The following FRMPD1 variants were observed in gnomAD, a reference collection of about 807,000 sequenced individuals.
FRMPD1 encodes FERM and PDZ domain-containing protein 1.
FRMPD1 carries 76 observed loss-of-function variants against 117.8 expected under a neutral mutation model. The observed-to-expected ratio is 0.65, with a 90% CI of 0.54 to 0.78. FRMPD1 has a LOEUF of 0.78. Among genes scored for constraint, FRMPD1 ranks in the 30% least tolerant of loss-of-function variants. FRMPD1 has a pLI of 0.00. For synonymous variants in FRMPD1, 783 were observed against 770.4 expected, an observed-to-expected ratio of 1.02 and a Z score of -0.27; for missense variants, 1,786 against 1,964.5, an observed-to-expected ratio of 0.91 and a Z score of 1.72.
At chr9:37,695,006 A>AATAGATAGATAGATAG (rs74171518) in intron 2 of FRMPD1, among the ~76,000 whole-genome samples, 16 of 150,812 alleles carry the variant, frequency 1.1e-4, no homozygotes, top group African/African-American at 2.4e-4. Context: ...GCCAAATAAG[A>AATAGATAGATAGATAG]ATAGATAGAT....
chr9:37,637,147 G>A, the FRMPD1 span: 12 of 1,609,374 alleles, frequency 7.5e-6, no homozygotes, highest in South Asian at 1.1e-4. Context: ...CCAGCTCGAT[G>A]GTTTGGATCT....
the FRMPD1 span, among the ~76,000 whole-genome samples, chr9:37,634,759 T>A: frequency 6.7e-6 from 1 of 148,684 alleles, no homozygotes; most frequent in South Asian, 2.1e-4. Context: ...ATTTTTTTTC[T>A]TCTTCTTTTT....
the FRMPD1 span, among the ~76,000 whole-genome samples, chr9:37,643,968 G>A: frequency 6.6e-6 from 1 of 152,218 alleles, no homozygotes; most frequent in Non-Finnish European, 1.5e-5. Flanking sequence ...ATCTGGTGGA[G>A]AGGATTAATA....
intron 1 of FRMPD1, among the ~76,000 whole-genome samples, chr9:37,669,432 A>G (rs1431840911): frequency 6.6e-6 from 1 of 152,202 alleles, no homozygotes; most frequent in Non-Finnish European, 1.5e-5. Context: ...CCTGTGTTTT[A>G]ACAAGTCCTC....
intron 1 of FRMPD1, among the ~76,000 whole-genome samples, chr9:37,659,547 A>C (rs1281678357): frequency 1.3e-5 from 2 of 152,200 alleles, no homozygotes; most frequent in African/African-American, 4.8e-5. Flanking sequence ...GCCGGTTCTC[A>C]GACGTAGGGA....
the FRMPD1 span, among the ~76,000 whole-genome samples, chr9:37,630,961 A>G: frequency 2.0e-5 from 3 of 152,360 alleles, no homozygotes; most frequent in South Asian, 4.1e-4. Context: ...CGTGACCTCA[A>G]GGAGCACACA....
chr9:37,718,632 G>GGAAGACTCT (rs1305732999), intron 5 of FRMPD1, among the ~76,000 whole-genome samples: 2 of 151,308 alleles, frequency 1.3e-5, no homozygotes, highest in African/African-American at 4.9e-5. Flanking sequence ...TGTGTAGATG[G>GGAAGACTCT]GAAGACTCTG....
chr9:37,675,877 G>T (rs1403184720), intron 1 of FRMPD1, among the ~76,000 whole-genome samples: 1 of 152,222 alleles, frequency 6.6e-6, no homozygotes, highest in Non-Finnish European at 1.5e-5. Flanking sequence ...GCTCGAACTG[G>T]TGTGTGTTCA....
chr9:37,616,366 C>T, the FRMPD1 span, among the ~76,000 whole-genome samples: 2 of 152,180 alleles, frequency 1.3e-5, no homozygotes, highest in South Asian at 4.2e-4. Context: ...ATCCATCCAC[C>T]TTGGCCTCCC....
At chr9:37,706,567 C>T (rs1412552005) in intron 2 of FRMPD1, among the ~76,000 whole-genome samples, 2 of 152,170 alleles carry the variant, frequency 1.3e-5, no homozygotes, top group African/African-American at 4.8e-5. Context: ...TCATTTGCCA[C>T]AGGTGAATGA....
At chr9:37,648,223 G>A (rs746594687), upstream of FRMPD1, among the ~76,000 whole-genome samples, 1 of 152,148 alleles carries the variant, frequency 6.6e-6, no homozygotes, top group Non-Finnish European at 1.5e-5. Flanking sequence ...AGGTTAAAAA[G>A]CAGCATTGGG....
intron 5 of FRMPD1, among the ~76,000 whole-genome samples, chr9:37,717,315 GTATGTGTGTGTGTGTATGTGTATA>G (rs1421374434): frequency 1.2e-4 from 18 of 144,792 alleles, no homozygotes; most frequent in Non-Finnish European, 2.2e-4. Flanking sequence ...ATATATATAT[GTATGTGTGTGTGTGTATGTGTATA>G]TATGTGTGTG....
At chr9:37,717,376 T>TAC (rs1823183985) in intron 5 of FRMPD1, among the ~76,000 whole-genome samples, 1 of 112,924 alleles carries the variant, frequency 8.9e-6, no homozygotes, top group Admixed American at 8.4e-5. Flanking sequence ...TGTGTATATA[T>TAC]ATATATTTTT....
intron 5 of FRMPD1, among the ~76,000 whole-genome samples, chr9:37,714,605 ATTTTATTTTATTTTATTTTG>A (rs1363094695): frequency 0.011 from 842 of 78,316 alleles, 9 homozygotes; most frequent in African/African-American, 0.042. Context: ...ATTTTATTTT[ATTTTATTTTATTTTATTTTG>A]TTTTGTTTTA....
At chr9:37,635,223 C>T in the FRMPD1 span, among the ~76,000 whole-genome samples, 1 of 152,112 alleles carries the variant, frequency 6.6e-6, no homozygotes, top group African/African-American at 2.4e-5. Context: ...AACCTTGCAC[C>T]AACCTTGAAG....
rs1823282857 is a variant in FRMPD1, at chr9:37,719,157, T to C, written c.497T>C (p.Leu166Pro). Residue 166 changes from leucine to proline, a missense_variant, in exon 6 of 16, where the codon CTC becomes CCC. By Grantham distance (98) the Leu-to-Pro change is moderately conservative (BLOSUM62 -3). Transcript: ENST00000377765. ...AAGGTGCACTTTGCTGAAGAAGTGC[T>C]CATCAGTGGACACAGCCAGGTGTGT... The part of the protein sequence containing the change: ...PVKVHFAEEV[L>P]ISGHSQGNSL... The C allele has an allele frequency of 6.2e-7, 1 of 1,607,260 alleles. No homozygotes were observed. Among genetic ancestry groups the C allele is most frequent in the Non-Finnish European group, 8.5e-7 (1 of 1,173,726 alleles).
the FRMPD1 span, among the ~76,000 whole-genome samples, chr9:37,608,731 A>T: frequency 1.3e-5 from 2 of 152,218 alleles, no homozygotes; most frequent in African/African-American, 4.8e-5. Context: ...ATAACTTCAT[A>T]GTAATGATAA....
At chr9:37,605,451 G>A in the FRMPD1 span, among the ~76,000 whole-genome samples, 6 of 152,120 alleles carry the variant, frequency 3.9e-5, no homozygotes, top group African/African-American at 1.4e-4. Flanking sequence ...AAGCAGCCTG[G>A]TCATTCCATA....
intron 15 of FRMPD1, among the ~76,000 whole-genome samples, chr9:37,741,394 C>T (rs1254334804): frequency 2.7e-5 from 4 of 150,472 alleles, no homozygotes; most frequent in Non-Finnish European, 5.9e-5. Flanking sequence ...GTTCCTCATA[C>T]ATTCCTCCAC....
Sources: gnomAD v4.1 joint callset for allele counts (sites outside exome capture counted in the v4.1 genomes callset) on GRCh38, gnomAD v4.1.1 for gene constraint, MANE v1.5 for transcripts, NCBI Gene and HGNC (gene_info 2026-07-23, HGNC 2026-07-21) for gene names.